Variants in FRAS1 observed in about 807,000 individuals in gnomAD.
The protein encoded by FRAS1 is extracellular matrix organizing protein FRAS1.
In FRAS1, 290 loss-of-function variants were observed where a neutral mutation model predicts 435.2. That is an observed-to-expected ratio of 0.67 (90% CI 0.61 to 0.73). The LOEUF is 0.73. Among genes scored for constraint, FRAS1 ranks in the 30% least tolerant of loss-of-function variants. FRAS1 has a pLI of 0.00. For missense variants in FRAS1, 4,860 were observed against 5,001.5 expected, an observed-to-expected ratio of 0.97 and a Z score of 0.85; for synonymous variants, 1,800 against 1,851.0, an observed-to-expected ratio of 0.97 and a Z score of 0.71.
At chr4:78,087,234 C>A (rs1168145159) in intron 2 of FRAS1, among the ~76,000 whole-genome samples, 1 of 152,082 alleles carries the variant, frequency 6.6e-6, no homozygotes, top group African/African-American at 2.4e-5. Context: ...ACACTTCATG[C>A]TAAAAACTCT....
rs1289136027 is a variant in FRAS1 at position 78,422,099 on chromosome 4, G to C, written c.4678+99G>C. 3.3e-6 allele frequency: 4 copies of C among 1,228,526 alleles called. No homozygotes were observed. The African/African-American group carries it at 6.1e-5, about 19-fold the overall frequency. The allele number at this position is 1,228,526 out of a possible 1,614,324, so 76.1% of individuals were successfully genotyped here. On this transcript the variant is annotated intron_variant, in intron 34 of 73. Transcript: ENST00000512123. ...TCCCTGCAGTCCTCTGGACCATTTGGTGCCCCTGCTTTCTAGCTATTCAAA... is the reference window on the plus strand; with the variant it reads ...TCCCTGCAGTCCTCTGGACCATTTGCTGCCCCTGCTTTCTAGCTATTCAAA...
Position 78,521,582 on chromosome 4 carries a change from G to C in FRAS1, c.10600G>C (p.Glu3534Gln). ...RLQIIRIYIR[E>Q]DGRLVIEFKT... ...TCAGATAATAAGAATCTACATTCGA[G>C]AGGATGGCCGTCTTGTCATTGAATT... The change falls in exon 68 of 74, where the codon GAG becomes CAG. Residue 3534 changes from glutamate to glutamine, a missense_variant. By Grantham distance (29) the Glu-to-Gln change is conservative. Transcript: ENST00000512123. 6.2e-7 allele frequency: 1 copy of C among 1,611,226 alleles called. No homozygotes were observed. The highest frequency in any genetic ancestry group is 8.5e-7 in the Non-Finnish European group (1 of 1,178,592).
At chr4:78,065,728 G>A (rs1502884) in intron 1 of FRAS1, among the ~76,000 whole-genome samples, 37,305 of 152,056 alleles carry the variant, frequency 0.25, 4,941 homozygotes, top group East Asian at 0.35. Context: ...ATAGCATGTC[G>A]TTATAAACAC....
chr4:78,432,920 C>T (rs185149047), intron 38 of FRAS1, among the ~76,000 whole-genome samples: 72 of 152,260 alleles, frequency 4.7e-4, no homozygotes, highest in African/African-American at 1.3e-3. Flanking sequence ...CATTATATTC[C>T]CAATGGGAAG....
At chr4:78,082,941 C>T (rs958867635) in intron 2 of FRAS1, among the ~76,000 whole-genome samples, 1 of 152,054 alleles carries the variant, frequency 6.6e-6, no homozygotes, top group African/African-American at 2.4e-5. Flanking sequence ...TTTGGTGACC[C>T]TGAGATGTTA....
At chr4:78,470,285 A>G (rs1719662923) in intron 51 of FRAS1, among the ~76,000 whole-genome samples, 194 bp downstream of exon 51, 1 of 152,072 alleles carries the variant, frequency 6.6e-6, no homozygotes, top group Admixed American at 6.5e-5. Flanking sequence ...ACGATTGTGT[A>G]TAGTTTAAGA....
chr4:78,464,316 T>C, intron 48 of FRAS1, 127 bp from the exon 49 acceptor site: 2 of 1,425,248 alleles, frequency 1.4e-6, no homozygotes, highest in Non-Finnish European at 1.9e-6. Flanking sequence ...GAGGACTCAC[T>C]CTGGGGCTCC....
At chr4:78,424,173 C>T (rs1733910277) in intron 34 of FRAS1, among the ~76,000 whole-genome samples, 1 of 152,102 alleles carries the variant, frequency 6.6e-6, no homozygotes, top group Non-Finnish European at 1.5e-5. Context: ...AAAATTATTC[C>T]ACTATGTGGT....
intron 2 of FRAS1, among the ~76,000 whole-genome samples, chr4:78,113,550 GT>G (rs1311562793): frequency 1.3e-5 from 2 of 152,222 alleles, no homozygotes; most frequent in Admixed American, 6.5e-5. Flanking sequence ...TCTCATTGTG[GT>G]TTTGATTTGC....
intron 1 of FRAS1, among the ~76,000 whole-genome samples, chr4:78,064,494 C>T (rs1323289605): frequency 6.6e-6 from 1 of 151,618 alleles, no homozygotes; most frequent in African/African-American, 2.4e-5. Context: ...GAGAAAGGCA[C>T]AAGGGTGTCA....
chr4:78,096,249 C>T (rs1481278520), intron 2 of FRAS1, among the ~76,000 whole-genome samples: 1 of 152,218 alleles, frequency 6.6e-6, no homozygotes, highest in Non-Finnish European at 1.5e-5. Context: ...GGGGGGTTCC[C>T]ATGGTCTTGG....
At chr4:78,512,486 A>G (rs1721070908) in intron 64 of FRAS1, among the ~76,000 whole-genome samples, 2 of 148,746 alleles carry the variant, frequency 1.3e-5, no homozygotes, top group Non-Finnish European at 3.0e-5. Flanking sequence ...CACTTTCAGT[A>G]AACACGCTCA....
intron 18 of FRAS1, among the ~76,000 whole-genome samples, chr4:78,329,200 A>G (rs1413347114): frequency 6.6e-6 from 1 of 152,214 alleles, no homozygotes; most frequent in African/African-American, 2.4e-5. Context: ...ATTTGGACAA[A>G]TAACCAAATT....
intron 54 of FRAS1, among the ~76,000 whole-genome samples, chr4:78,476,285 T>C (rs145330482): frequency 5.2e-4 from 79 of 151,678 alleles, no homozygotes; most frequent in African/African-American, 1.9e-3. Context: ...AGGAGTCTGG[T>C]GTCCAGAGAG....
At chr4:78,416,075 T>TAC (rs1733541561) in intron 32 of FRAS1, among the ~76,000 whole-genome samples, 1 of 152,192 alleles carries the variant, frequency 6.6e-6, no homozygotes, top group African/African-American at 2.4e-5. Flanking sequence ...GATACAGACG[T>TAC]ACACACACAG....
chr4:78,171,274 G>A (rs1450482162), intron 2 of FRAS1, among the ~76,000 whole-genome samples: 2 of 152,050 alleles, frequency 1.3e-5, no homozygotes, highest in Non-Finnish European at 2.9e-5. Context: ...CTCTCAGGGT[G>A]GTTCAGTAAT....
chr4:78,481,779 A>AAAATC (rs746310381), intron 56 of FRAS1, 25 bp from the exon 57 acceptor site: 1 of 1,613,314 alleles, frequency 6.2e-7, no homozygotes, highest in Admixed American at 1.7e-5. Flanking sequence ...GTTGACCATT[A>AAAATC]AAATCTCTAT....
chr4:78,413,772 A>G (rs1733446906), intron 32 of FRAS1, among the ~76,000 whole-genome samples: 1 of 152,218 alleles, frequency 6.6e-6, no homozygotes, highest in South Asian at 2.1e-4. Context: ...AAAGCCTCGT[A>G]TGCTGGTGGG....
chr4:78,115,269 C>T (rs550160782), intron 2 of FRAS1, among the ~76,000 whole-genome samples: 195 of 152,146 alleles, frequency 1.3e-3, no homozygotes, highest in African/African-American at 4.3e-3. Flanking sequence ...ATGTTCATCA[C>T]GGATATTGGT....
Sources: gnomAD v4.1 joint callset for allele counts (sites outside exome capture counted in the v4.1 genomes callset) on GRCh38, gnomAD v4.1.1 for gene constraint, MANE v1.5 for transcripts, NCBI Gene and HGNC (gene_info 2026-07-23, HGNC 2026-07-21) for gene names.